Variants in ASMTL observed in about 807,000 individuals in gnomAD.
ASMTL encodes the protein probable bifunctional dTTP/UTP pyrophosphatase/methyltransferase protein.
ASMTL carries 57 observed loss-of-function variants against 60.3 expected under a neutral mutation model. The observed-to-expected ratio is 0.95, with a 90% CI of 0.76 to 1.18. ASMTL has a LOEUF of 1.18. Ranked by LOEUF, ASMTL falls within the 50% of genes most tolerant of loss-of-function variation. The pLI is 0.00. For synonymous variants in ASMTL, 419 were observed against 373.0 expected (o/e 1.12, Z -1.42); for missense variants, 981 against 852.6 (o/e 1.15, Z -1.88).
At chrX:1,440,050 G>A (rs189336098) in intron 2 of ASMTL, among the ~76,000 whole-genome samples, 41 of 150,780 alleles carry the variant, frequency 2.7e-4, no homozygotes, top group Admixed American at 1.1e-3. Flanking sequence ...TTGATAGCAC[G>A]ACTCACAACA....
chrX:1,408,061 C>T (rs2089932822), intron 12 of ASMTL, among the ~76,000 whole-genome samples: 2 of 151,674 alleles, frequency 1.3e-5, no homozygotes, highest in African/African-American at 4.9e-5. Context: ...CCTAACAGGG[C>T]ATGATAACAA....
chrX:1,442,190 T>A lies in ASMTL; in HGVS notation c.221A>T (p.Tyr74Phe), dbSNP rs780572723. The A allele has an allele frequency of 7.4e-6, 12 of 1,613,650 alleles. No homozygotes were observed. In the South Asian group the frequency reaches 1.3e-4, roughly 18 times the overall value. ...QKALEVANRL[Y>F]QKDLRAPDVV... ...CGAAGGGCAGGGGCCCCTTGCCTGG[T>A]ACAGCCGGTTGGCCACCTCCAGGGC... Residue 74 changes from tyrosine (Y) to phenylalanine (F), a missense_variant, in exon 2 of 13, where the codon TAC becomes TTC. Physicochemically the swap from Tyr to Phe is conservative, Grantham distance 22. Transcript: ENST00000381317.
intron 12 of ASMTL, among the ~76,000 whole-genome samples, chrX:1,405,237 G>A (rs1409540126): frequency 1.4e-5 from 2 of 143,510 alleles, no homozygotes; most frequent in East Asian, 4.0e-4. Context: ...TGGATGGATG[G>A]GTGAACAGAT....
chrX:1,425,281 C>A (rs1182423429), intron 8 of ASMTL, among the ~76,000 whole-genome samples: 3 of 152,204 alleles, frequency 2.0e-5, no homozygotes, highest in African/African-American at 7.2e-5. Context: ...TGGACTGATA[C>A]AGCCCCTTTG....
intron 10 of ASMTL, 145 bp from the exon 11 acceptor site, chrX:1,418,261 G>C (rs184570478): frequency 2.2e-6 from 2 of 893,142 alleles, no homozygotes; most frequent in East Asian, 2.7e-5. Context: ...TGGGGAGCTC[G>C]CTGGTATCCC....
intron 4 of ASMTL, 198 bp from the exon 5 acceptor site, chrX:1,435,281 A>T: frequency 1.5e-6 from 1 of 668,084 alleles, no homozygotes; most frequent in Non-Finnish European, 2.7e-6. Context: ...CACAAATCCC[A>T]CCAGCAGTGG....
At chrX:1,427,156 C>T (rs1384204890) in intron 7 of ASMTL, among the ~76,000 whole-genome samples, 21 of 151,976 alleles carry the variant, frequency 1.4e-4, no homozygotes, top group Middle Eastern at 3.4e-3. Context: ...GAGAAGGCCA[C>T]GTGGAGACAA....
At chrX:1,431,623 T>C (rs1395299678) in intron 6 of ASMTL, among the ~76,000 whole-genome samples, 12 of 139,244 alleles carry the variant, frequency 8.6e-5, no homozygotes, top group African/African-American at 3.2e-4. Flanking sequence ...TATAATACAA[T>C]ATATTATAAA....
upstream of ASMTL, chrX:1,453,044 C>G (rs2091435634): frequency 3.8e-6 from 2 of 523,000 alleles, no homozygotes; most frequent in African/African-American, 3.7e-5. Flanking sequence ...ATTGAACACT[C>G]CGTCAGGCCT....
In ASMTL at chrX:1,452,881, C is replaced by A; in HGVS notation, c.-41G>T. The stretch of plus-strand genomic sequence containing the variant: ...AGCCGGGCGTCCGCACTTCTGAGCC[C>A]GGAGCCCGCGGTGCGCGCAGCGCGG... On this transcript the variant is annotated 5_prime_UTR_variant, in exon 1 of 13. Coordinates refer to ENST00000381317, the MANE Select transcript of ASMTL (RefSeq NM_004192.4). The A allele has an allele frequency of 3.5e-6, 5 of 1,430,056 alleles. No homozygotes were observed. Among genetic ancestry groups the A allele is most frequent in the Non-Finnish European group, 3.7e-6 (4 of 1,074,804 alleles). The allele number at this position is 1,430,056 out of a possible 1,614,324, so 88.6% of individuals were successfully genotyped here.
At position 1,412,751 on chromosome X, in the gene ASMTL, G is replaced by A. The variant is rs374713090; in HGVS notation, c.1626C>T (p.Val542=). Residue 542 remains valine, a synonymous_variant, in exon 12 of 13, where the codon GTC becomes GTT. Coordinates refer to ENST00000381317, the MANE Select transcript of ASMTL (RefSeq NM_004192.4). ...TCTCACCTGGCTTGCAGCTCTCGGC[G>A]ACCCTGCTGAGTAACTTGTGGACTT... ...DDKVHKLLSR[V]AESCKPGAGL... The A allele has an allele frequency of 1.4e-5, 23 of 1,613,972 alleles. No individual in the cohort carries two copies. Among genetic ancestry groups the A allele is most frequent in the African/African-American group, 5.3e-5 (4 of 75,036 alleles).
intron 7 of ASMTL, 67 bp downstream of exon 7, chrX:1,427,667 C>T (rs1699705550): frequency 6.7e-7 from 1 of 1,496,524 alleles, no homozygotes; most frequent in East Asian, 2.3e-5. Context: ...AAGTAAATTC[C>T]CTTTGATTTA....
chrX:1,447,561 C>A (rs1336785077), intron 1 of ASMTL, among the ~76,000 whole-genome samples: 2 of 151,712 alleles, frequency 1.3e-5, no homozygotes, highest in Non-Finnish European at 2.9e-5. Context: ...CACACACGGC[C>A]ATCTTGGATA....
chrX:1,432,113 G>T (rs1223642628), intron 6 of ASMTL, 156 bp downstream of exon 6: 1 of 638,134 alleles, frequency 1.6e-6, no homozygotes, highest in African/African-American at 1.8e-5. Context: ...TGGTCGTGAA[G>T]GGTTTGTGCT....
At chrX:1,404,486 A>C (rs1157414560) in intron 12 of ASMTL, among the ~76,000 whole-genome samples, 1 of 143,316 alleles carries the variant, frequency 7.0e-6, no homozygotes, top group Non-Finnish European at 1.5e-5. Flanking sequence ...GGATGTATAG[A>C]TGGATGGATG....
At chrX:1,410,998 C>T (rs1314530432) in intron 12 of ASMTL, among the ~76,000 whole-genome samples, 1 of 151,760 alleles carries the variant, frequency 6.6e-6, no homozygotes, top group Non-Finnish European at 1.5e-5. Flanking sequence ...CCAGCCTGAC[C>T]AACATGGAGA....
intron 1 of ASMTL, among the ~76,000 whole-genome samples, chrX:1,448,032 C>G (rs2091266695): frequency 2.0e-5 from 3 of 150,392 alleles, no homozygotes; most frequent in Admixed American, 6.6e-5. Context: ...CTTGGACACA[C>G]ACCGCCATCT....
At chrX:1,444,805 C>G (rs2091199359) in intron 1 of ASMTL, among the ~76,000 whole-genome samples, 1 of 152,060 alleles carries the variant, frequency 6.6e-6, no homozygotes, top group Non-Finnish European at 1.5e-5. Flanking sequence ...CCCCTCCCAT[C>G]TTTTCTCTCC....
At chrX:1,414,387 G>A (rs1210525668) in intron 11 of ASMTL, among the ~76,000 whole-genome samples, 4 of 152,202 alleles carry the variant, frequency 2.6e-5, no homozygotes, top group South Asian at 4.1e-4. Flanking sequence ...CCCCAGCTGC[G>A]AGGAGAAGGT....
Sources: gnomAD v4.1 joint callset for allele counts (sites outside exome capture counted in the v4.1 genomes callset) on GRCh38, gnomAD v4.1.1 for gene constraint, MANE v1.5 for transcripts, NCBI Gene and HGNC (gene_info 2026-07-23, HGNC 2026-07-21) for gene names.